Variants in EFCAB8 observed in about 807,000 individuals in gnomAD.
EFCAB8 encodes the protein EF-hand calcium binding domain 8, also known as EF-hand calcium-binding domain-containing protein 8.
Under a neutral mutation model 116.3 loss-of-function variants are expected in EFCAB8, and 100 were observed. The ratio of observed to expected loss-of-function variants is 0.86; its 90% CI spans 0.73 to 1.02. The LOEUF (loss-of-function observed/expected upper bound fraction) is 1.02, where lower values mean the gene tolerates loss of function less well. EFCAB8 is among the 50% of genes least tolerant of loss of function. The pLI is 0.00. For missense variants in EFCAB8, 1,320 were observed against 1,416.9 expected (o/e 0.93, Z 1.10); for synonymous variants, 558 against 567.9 (o/e 0.98, Z 0.25).
chr20:32,881,091 A>AG (rs1349011231), intron 5 of EFCAB8, among the ~76,000 whole-genome samples: 1 of 152,216 alleles, frequency 6.6e-6, no homozygotes, highest in Non-Finnish European at 1.5e-5. Context: ...TCAGGTTTGT[A>AG]GGCTTCCTTT....
intron 11 of EFCAB8, among the ~76,000 whole-genome samples, chr20:32,899,431 A>G (rs1422881756): frequency 1.3e-5 from 2 of 151,626 alleles, no homozygotes; most frequent in Non-Finnish European, 2.9e-5. Flanking sequence ...AGAAAAACCA[A>G]TTAATCACAC....
At chr20:32,893,574 C>T (rs1986021320) in intron 9 of EFCAB8, among the ~76,000 whole-genome samples, 1 of 152,120 alleles carries the variant, frequency 6.6e-6, no homozygotes, top group Non-Finnish European at 1.5e-5. Context: ...ACACTTCTCA[C>T]CCCAGCATGA....
At chr20:32,880,445 A>G (rs915279671) in intron 5 of EFCAB8, among the ~76,000 whole-genome samples, 13 of 151,964 alleles carry the variant, frequency 8.6e-5, no homozygotes, top group African/African-American at 3.1e-4. Flanking sequence ...ATTTTTTTGT[A>G]TTTTTAATAG....
At chr20:32,932,875 A>C (rs1987961780) in intron 22 of EFCAB8, among the ~76,000 whole-genome samples, 2 of 152,206 alleles carry the variant, frequency 1.3e-5, no homozygotes, top group Non-Finnish European at 2.9e-5. Flanking sequence ...GTGCCTTTTG[A>C]ATCTCTACAT....
chr20:32,887,687 A>T (rs1201644520), intron 6 of EFCAB8, among the ~76,000 whole-genome samples: 1 of 152,210 alleles, frequency 6.6e-6, no homozygotes, highest in East Asian at 1.9e-4. Context: ...AGGACACAGC[A>T]GCTCATTTCT....
At chr20:32,882,543 C>T (rs1985396354) in intron 5 of EFCAB8, among the ~76,000 whole-genome samples, 1 of 152,104 alleles carries the variant, frequency 6.6e-6, no homozygotes, top group Non-Finnish European at 1.5e-5. Context: ...ATTTTTGAGA[C>T]AAGGTCTTGC....
chr20:32,873,478 C>T (rs143102315), intron 3 of EFCAB8, among the ~76,000 whole-genome samples: 2 of 151,984 alleles, frequency 1.3e-5, no homozygotes, highest in South Asian at 2.1e-4. Flanking sequence ...CCAGCCAGCA[C>T]GTGGAGAATT....
rs192776822 is a variant in EFCAB8, at chr20:32,902,896, C to T, written c.1089-3666C>T. On this transcript the variant is annotated intron_variant, in intron 11 of 26. Transcript: ENST00000400522. The stretch of plus-strand genomic sequence containing the variant: ...ACGGAGCGGGTGTGGTAGCAGGAGC[C>T]GGTGCTGAGTGTGTGGACTGACCCC... Among the ~76,000 whole-genome samples the T allele has an allele frequency of 4.2e-4, 64 of 152,272 alleles. 1 individual carries two copies. The East Asian group carries it at 9.5e-3, about 22-fold the overall frequency.
chr20:32,945,161 A>G (rs1420697819), intron 23 of EFCAB8, among the ~76,000 whole-genome samples: 1 of 151,328 alleles, frequency 6.6e-6, no homozygotes, highest in Non-Finnish European at 1.5e-5. Context: ...TTTTATTATT[A>G]TTATTATTAT....
At chr20:32,887,985 A>G (rs1473641239) in intron 6 of EFCAB8, among the ~76,000 whole-genome samples, 2 of 151,916 alleles carry the variant, frequency 1.3e-5, no homozygotes, top group East Asian at 1.9e-4. Context: ...CTGAGTTCCT[A>G]CTTCCTCTCC....
chr20:32,866,535 G>A (rs547071859), intron 2 of EFCAB8, among the ~76,000 whole-genome samples: 19 of 152,044 alleles, frequency 1.2e-4, no homozygotes, highest in Non-Finnish European at 2.6e-4. Flanking sequence ...GCTTCTGGGG[G>A]GATTTGGGAA....
intron 20 of EFCAB8, among the ~76,000 whole-genome samples, chr20:32,921,000 C>T (rs751662832): frequency 6.6e-6 from 1 of 152,128 alleles, no homozygotes; most frequent in African/African-American, 2.4e-5. Context: ...CTGGACACCC[C>T]TCACTGTGAT....
intron 22 of EFCAB8, among the ~76,000 whole-genome samples, chr20:32,935,036 C>T (rs943776917): frequency 6.6e-6 from 1 of 151,978 alleles, no homozygotes; most frequent in East Asian, 1.9e-4. Context: ...AAGATGATAT[C>T]TCATTGTGGT....
chr20:32,876,048 A>G lies in EFCAB8; in HGVS notation c.327+4A>G. Reference sequence around the variant, plus strand: ...CTGTGAAGGCTTTGTCACCTGGGTGAGGAGGGTGCCCCTGCTTCCTCAGGT... The same window carrying G: ...CTGTGAAGGCTTTGTCACCTGGGTGGGGAGGGTGCCCCTGCTTCCTCAGGT... On this transcript the variant is annotated splice_donor_region_variant and intron_variant, in intron 4 of 26. Coordinates refer to ENST00000400522, the MANE Select transcript of EFCAB8 (RefSeq NM_001143967.2). 6.4e-7 allele frequency: 1 copy of G among 1,551,534 alleles called. No individual in the cohort carries two copies. Among genetic ancestry groups the G allele is most frequent in the Non-Finnish European group, 8.7e-7 (1 of 1,146,918 alleles).
chr20:32,872,019 T>C (rs1485855594), intron 3 of EFCAB8, among the ~76,000 whole-genome samples: 1 of 152,206 alleles, frequency 6.6e-6, no homozygotes, highest in African/African-American at 2.4e-5. Flanking sequence ...CATTAAGTGC[T>C]TAAGCACCTT....
Position 32,893,423 on chromosome 20 carries a change from G to A in EFCAB8, c.883+125G>A, listed in dbSNP as rs1986013530. 4.4e-6 allele frequency: 6 copies of A among 1,373,720 alleles called. No individual in the cohort carries two copies. The South Asian group carries it at 8.6e-5, about 20-fold the overall frequency. 85.1% of individuals were successfully genotyped at this position (1,373,720 alleles called of 1,614,324 possible). The stretch of plus-strand genomic sequence containing the variant: ...CTCTGGAGTCTCTGGGAAGGCGTCT[G>A]CTTCCAAGCGCAGGGTGCATGCCGC... On this transcript the variant is annotated intron_variant, in intron 9 of 26. Coordinates refer to ENST00000400522, the MANE Select transcript of EFCAB8 (RefSeq NM_001143967.2).
At chr20:32,958,614 A>G in intron 24 of EFCAB8, 64 bp downstream of exon 24, 1 of 410,082 alleles carries the variant, frequency 2.4e-6, no homozygotes, top group Non-Finnish European at 4.5e-6. Context: ...GAGTCTTCCC[A>G]GGTCCTGGGA....
At chr20:32,900,636 G>A (rs922601862) in intron 11 of EFCAB8, among the ~76,000 whole-genome samples, 8 of 151,956 alleles carry the variant, frequency 5.3e-5, no homozygotes, top group Non-Finnish European at 8.8e-5. Flanking sequence ...GCACAATCTC[G>A]GCTCACTGCA....
At position 32,959,818 on chromosome 20, in the gene EFCAB8, C is replaced by T. The variant is rs536420966; in HGVS notation, c.3130C>T (p.Arg1044Ter). ...DLAEALIYQR[R>*]EQAALMALLH... ...GGCTGAGGCCCTGATATACCAGCGG[C>T]GAGAGCAGGCGGCGCTGATGGCTCT... Residue 1044 changes from arginine (R) to a stop codon, truncating the protein, a stop_gained, in exon 25 of 27, where the codon CGA (arginine) becomes TGA (stop). Coordinates refer to ENST00000400522, the MANE Select transcript of EFCAB8 (RefSeq NM_001143967.2). LOFTEE classifies it high-confidence loss of function. The T allele has an allele frequency of 2.5e-5, 39 of 1,530,286 alleles. No individual in the cohort carries two copies. In the African/African-American group the frequency reaches 3.3e-4, roughly 13 times the overall value. 94.8% of individuals were successfully genotyped at this position (1,530,286 alleles called of 1,614,324 possible).
Sources: gnomAD v4.1 joint callset for allele counts (sites outside exome capture counted in the v4.1 genomes callset) on GRCh38, gnomAD v4.1.1 for gene constraint, MANE v1.5 for transcripts, NCBI Gene and HGNC (gene_info 2026-07-23, HGNC 2026-07-21) for gene names.